ZNF385A: variants seen among roughly 807,000 people sequenced by gnomAD.
The protein encoded by ZNF385A is hematopoietic zinc finger protein.
ZNF385A carries 14 observed loss-of-function variants against 32.1 expected under a neutral mutation model. The ratio of observed to expected loss-of-function variants is 0.44; its 90% confidence interval spans 0.29 to 0.68. ZNF385A has a LOEUF of 0.68. Among genes scored for constraint, ZNF385A ranks in the 30% least tolerant of loss-of-function variants. ZNF385A has a pLI of 0.14. For synonymous variants in ZNF385A, 197 were observed against 202.7 expected (o/e 0.97, Z 0.24); for missense variants, 406 against 478.4 (o/e 0.85, Z 1.41).
chr12:54,390,560 C>T (rs1004144710), intron 1 of ZNF385A, among the ~76,000 whole-genome samples: 1 of 152,070 alleles, frequency 6.6e-6, no homozygotes, highest in African/African-American at 2.4e-5. Context: ...GGGCAGGTCT[C>T]GGCGTGTTGG....
At chr12:54,375,739 GC>G in intron 2 of ZNF385A, 104 bp downstream of exon 2, 1 of 935,436 alleles carries the variant, frequency 1.1e-6, no homozygotes, top group South Asian at 1.4e-5. Context: ...CTTAATCCCT[GC>G]CCCTCAACCA....
intron 1 of ZNF385A, among the ~76,000 whole-genome samples, chr12:54,377,127 G>A (rs1358459144): frequency 6.6e-6 from 1 of 152,214 alleles, no homozygotes; most frequent in African/African-American, 2.4e-5. Flanking sequence ...AGTAGTAAGA[G>A]TCTGGAAAGC....
rs1040872203 is a variant in ZNF385A at position 54,369,922 on chromosome 12, C to T, written c.*334G>A. 5 of 253,772 alleles carry T rather than the reference C, an allele frequency of 2.0e-5. No homozygotes were observed. The highest frequency in any genetic ancestry group is 4.5e-5 in the African/African-American group (2 of 44,940). 15.7% of individuals were successfully genotyped at this position (253,772 alleles called of 1,614,324 possible). ...GACCCCGACCATGGCTTGTGAACCCCGTTTTGTGCTAGGTTTGGGGGGAAG... is the reference window on the plus strand; with the variant it reads ...GACCCCGACCATGGCTTGTGAACCCTGTTTTGTGCTAGGTTTGGGGGGAAG... On this transcript the variant is annotated 3_prime_UTR_variant, in exon 7 of 7. Coordinates refer to ENST00000394313, the MANE Select transcript of ZNF385A (RefSeq NM_015481.3).
At chr12:54,382,832 C>T (rs1955262928) in intron 1 of ZNF385A, among the ~76,000 whole-genome samples, 1 of 148,540 alleles carries the variant, frequency 6.7e-6, no homozygotes, top group Admixed American at 6.7e-5. Flanking sequence ...TCACCATATC[C>T]TTTTTTTTTT....
chr12:54,384,348 G>A (rs1955353998), intron 1 of ZNF385A, 80 bp downstream of exon 1: 2 of 1,442,964 alleles, frequency 1.4e-6, no homozygotes, highest in Non-Finnish European at 1.8e-6. Flanking sequence ...ATTAGAAACA[G>A]AAGAAGAGGG....
In ZNF385A at chr12:54,370,196, C is replaced by T; in HGVS notation, c.*60G>A. 2 of 1,331,242 alleles carry T rather than the reference C, an allele frequency of 1.5e-6. No homozygotes were observed. The highest frequency in any genetic ancestry group is 1.7e-5 in the South Asian group (1 of 58,558). The allele number at this position is 1,331,242 out of a possible 1,614,324, so 82.5% of individuals were successfully genotyped here. ...CCGGGAGGAGGGGCGGGCTGGGAGC[C>T]CGGACGCCTGGGTCCCGGCTGGAGG... On this transcript the variant is annotated 3_prime_UTR_variant, in exon 7 of 7. Coordinates refer to ENST00000394313, the MANE Select transcript of ZNF385A (RefSeq NM_015481.3). The surrounding 1 kb of genome is among the most constrained non-coding windows in gnomAD (Gnocchi z 5.5).
chr12:54,375,728 C>G, intron 2 of ZNF385A, 116 bp downstream of exon 2: 1 of 863,504 alleles, frequency 1.2e-6, no homozygotes. Flanking sequence ...CCTAATATCC[C>G]CTTAATCCCT....
At chr12:54,387,621 A>C (rs1417407736), upstream of ZNF385A, among the ~76,000 whole-genome samples, 1 of 152,090 alleles carries the variant, frequency 6.6e-6, no homozygotes, top group African/African-American at 2.4e-5. Context: ...AGGTTCTCTG[A>C]CTCTCAGTCT....
In ZNF385A at chr12:54,369,687, G is replaced by C. The variant is rs1027146579; in HGVS notation, c.*569C>G. On this transcript the variant is annotated 3_prime_UTR_variant, in exon 7 of 7. Transcript: ENST00000394313. ...AAGTGCTGCCCCCTGCAATGGGCCC[G>C]GCTAGACCTGGGGCTAGGGCATGGT... 1 of 152,846 alleles carries C rather than the reference G, an allele frequency of 6.5e-6. No individual in the cohort carries two copies. The highest frequency in any genetic ancestry group is 1.5e-5 in the Non-Finnish European group (1 of 68,216). 9.5% of individuals were successfully genotyped at this position (152,846 alleles called of 1,614,324 possible). A position where few individuals can be genotyped will look rare whatever the true frequency, so the allele number is the denominator to read the frequency against.
chr12:54,372,554 C>T (rs1203321283), intron 3 of ZNF385A, among the ~76,000 whole-genome samples: 2 of 152,216 alleles, frequency 1.3e-5, no homozygotes, highest in Admixed American at 6.5e-5. Flanking sequence ...TTATAAAGCA[C>T]GGCAGGTATA....
At chr12:54,382,733 C>T (rs1474352015) in intron 1 of ZNF385A, among the ~76,000 whole-genome samples, 1 of 152,076 alleles carries the variant, frequency 6.6e-6, no homozygotes, top group Non-Finnish European at 1.5e-5. Flanking sequence ...TGACTTTCCC[C>T]AAACTTTTAG....
chr12:54,378,013 C>T (rs1409124222), intron 1 of ZNF385A, among the ~76,000 whole-genome samples: 1 of 152,186 alleles, frequency 6.6e-6, no homozygotes, highest in African/African-American at 2.4e-5. Flanking sequence ...AGAATGGTTC[C>T]TGCCCTACCT....
intron 1 of ZNF385A, among the ~76,000 whole-genome samples, chr12:54,377,985 C>T (rs1246613961): frequency 6.6e-6 from 1 of 152,156 alleles, no homozygotes; most frequent in African/African-American, 2.4e-5. Flanking sequence ...GACTGGCCAC[C>T]CCAACATCCA....
rs1263203765 is a variant in ZNF385A at position 54,369,240 on chromosome 12, G to A, written c.*1016C>T. 1 of 152,226 alleles carries A rather than the reference G, an allele frequency of 6.6e-6. No individual in the cohort carries two copies. Among genetic ancestry groups the A allele is most frequent in the African/African-American group, 2.4e-5 (1 of 41,264 alleles). The allele number at this position is 152,226 out of a possible 1,614,324, so 9.4% of individuals were successfully genotyped here. A position where few individuals can be genotyped will look rare whatever the true frequency, so the allele number is the denominator to read the frequency against. On this transcript the variant is annotated 3_prime_UTR_variant, in exon 7 of 7. Transcript: ENST00000394313. ...CATTGTCAAGCAGAAAGAGTTGATG[G>A]GAAGGGGAAGACCAGTGTAGGCCAG...
chr12:54,390,949 G>A (rs957708368), intron 1 of ZNF385A, among the ~76,000 whole-genome samples: 3 of 152,034 alleles, frequency 2.0e-5, no homozygotes, highest in Admixed American at 2.0e-4. Flanking sequence ...TAATATTCAT[G>A]AGCCTCATGA....
chr12:54,388,809 A>T (rs559800262), upstream of ZNF385A, among the ~76,000 whole-genome samples: 59 of 152,182 alleles, frequency 3.9e-4, no homozygotes, highest in South Asian at 0.012. Flanking sequence ...TGGGAGGAAA[A>T]CTTTGAACCC....
rs1250710602 is a variant in ZNF385A at position 54,370,641 on chromosome 12, G to A, written c.855C>T (p.Gly285=). The A allele has an allele frequency of 1.2e-6, 2 of 1,602,792 alleles. No homozygotes were observed. The highest frequency in any genetic ancestry group is 1.7e-4 in the Middle Eastern group (1 of 5,866). The change falls in exon 6 of 7, where the codon GGC becomes GGT. Residue 285 remains glycine, a synonymous_variant. Transcript: ENST00000394313. The surrounding 1 kb of genome is among the most constrained non-coding windows in gnomAD (Gnocchi z 5.5). The part of the protein sequence containing the change: ...PLLSRHKKSR[G]AGELAGTLTF... ...CAGGCCTCACCGCCAGCTCCCCGGC[G>A]CCCCTAGACTTCTTGTGACGGCTCA...
chr12:54,378,389 C>T (rs928108515), intron 1 of ZNF385A, among the ~76,000 whole-genome samples: 2 of 152,144 alleles, frequency 1.3e-5, no homozygotes, highest in Non-Finnish European at 2.9e-5. Flanking sequence ...CTCGAAAGGT[C>T]CATAAAACAG....
At chr12:54,384,305 T>G (rs1422189000) in intron 1 of ZNF385A, 123 bp downstream of exon 1, 2 of 1,199,728 alleles carry the variant, frequency 1.7e-6, no homozygotes, top group African/African-American at 3.2e-5. Flanking sequence ...TAACTAGAAT[T>G]AAGGAAGATG....
Sources: allele counts gnomAD v4.1 joint callset (sites outside exome capture counted in the v4.1 genomes callset), GRCh38; gene constraint gnomAD v4.1.1; non-coding constraint Gnocchi (gnomAD v3.1); transcripts MANE v1.5; gene names NCBI Gene and HGNC (gene_info 2026-07-23, HGNC 2026-07-21).